Variants in PLCB1 observed in about 807,000 individuals in gnomAD.
PLCB1 encodes the protein phospholipase C beta 1, also known as 1-phosphatidylinositol 4,5-bisphosphate phosphodiesterase beta-1.
A neutral mutation model predicts 161.8 loss-of-function variants in PLCB1; 46 were observed. That is an observed-to-expected ratio of 0.28 (90% CI 0.22 to 0.36). PLCB1 has a LOEUF of 0.36. PLCB1 is among the 10% of genes least tolerant of loss of function. The pLI, the probability that PLCB1 is intolerant of heterozygous loss-of-function variation, is 1.00. For missense variants in PLCB1, 1,016 were observed against 1,472.5 expected (o/e 0.69, Z 5.07); for synonymous variants, 517 against 503.7 (o/e 1.03, Z -0.35).
At chr20:8,548,866 A>G (rs1229756024) in intron 3 of PLCB1, among the ~76,000 whole-genome samples, 5 of 152,236 alleles carry the variant, frequency 3.3e-5, no homozygotes, top group Non-Finnish European at 7.3e-5. Context: ...CTGAATGTTG[A>G]TCAAGAAGTA....
At chr20:8,260,263 T>C (rs1378943596) in intron 2 of PLCB1, among the ~76,000 whole-genome samples, 1 of 150,660 alleles carries the variant, frequency 6.6e-6, no homozygotes, top group Non-Finnish European at 1.5e-5. Flanking sequence ...TTTTTTTTTC[T>C]GTTAGAGACA....
At chr20:8,746,473 A>G (rs1269577817) in intron 23 of PLCB1, among the ~76,000 whole-genome samples, 1 of 152,174 alleles carries the variant, frequency 6.6e-6, no homozygotes, top group Non-Finnish European at 1.5e-5. Context: ...GCATTTACTG[A>G]GTACTTACTG....
intron 31 of PLCB1, among the ~76,000 whole-genome samples, chr20:8,819,740 G>C (rs920530262): frequency 6.6e-6 from 1 of 151,280 alleles, no homozygotes; most frequent in Admixed American, 6.6e-5. Flanking sequence ...ATTTCCAGAG[G>C]GTTTGCACCA....
chr20:8,810,432 A>T (rs6056139), intron 31 of PLCB1, among the ~76,000 whole-genome samples: 14,902 of 151,950 alleles, frequency 0.098, 2,105 homozygotes, highest in African/African-American at 0.31. Context: ...GGTATGAGGG[A>T]GAGTATAGAA....
chr20:8,701,860 G>A (rs894124607), intron 11 of PLCB1, among the ~76,000 whole-genome samples: 1 of 152,174 alleles, frequency 6.6e-6, no homozygotes, highest in Non-Finnish European at 1.5e-5. Flanking sequence ...CACATAATAT[G>A]TTGGTAGAGG....
intron 9 of PLCB1, among the ~76,000 whole-genome samples, chr20:8,681,703 C>CTTTTTTTTTTTTTTTTTTTTTTTT: frequency 6.6e-6 from 1 of 152,094 alleles, no homozygotes; most frequent in Non-Finnish European, 1.5e-5. Flanking sequence ...TATTGCCTGT[C>CTTTTTTTTTTTTTTTTTTTTTTTT]TTTTAAGGAA....
chr20:8,677,538 T>C (rs1990115268), intron 9 of PLCB1, among the ~76,000 whole-genome samples: 1 of 152,144 alleles, frequency 6.6e-6, no homozygotes, highest in Non-Finnish European at 1.5e-5. Context: ...GTGCCCAGCA[T>C]AGGGGATAGA....
At chr20:8,178,050 G>A (rs2051801419) in intron 2 of PLCB1, among the ~76,000 whole-genome samples, 2 of 152,124 alleles carry the variant, frequency 1.3e-5, no homozygotes, top group Non-Finnish European at 2.9e-5. Context: ...TGGCTGCATA[G>A]TATTTTGTGG....
At chr20:8,201,823 T>C (rs1568588337) in intron 2 of PLCB1, among the ~76,000 whole-genome samples, 1 of 152,188 alleles carries the variant, frequency 6.6e-6, no homozygotes, top group Non-Finnish European at 1.5e-5. Context: ...AAATTCTCGT[T>C]GAGAAAATTT....
At chr20:8,749,176 G>A (rs1369374987) in intron 23 of PLCB1, among the ~76,000 whole-genome samples, 2 of 152,170 alleles carry the variant, frequency 1.3e-5, no homozygotes, top group Admixed American at 6.5e-5. Context: ...GGGTGTCGTA[G>A]CCAAAGTTTC....
intron 3 of PLCB1, among the ~76,000 whole-genome samples, chr20:8,418,441 C>CTTT (rs1979394145): frequency 6.6e-6 from 1 of 152,172 alleles, no homozygotes; most frequent in Non-Finnish European, 1.5e-5. Context: ...TTGTCCTAAA[C>CTTT]AGGCCTAGGA....
At chr20:8,330,185 A>G (rs1373870445) in intron 2 of PLCB1, among the ~76,000 whole-genome samples, 2 of 152,214 alleles carry the variant, frequency 1.3e-5, no homozygotes, top group Non-Finnish European at 2.9e-5. Context: ...ATAATTGCTT[A>G]TCACGTGCCG....
intron 31 of PLCB1, among the ~76,000 whole-genome samples, chr20:8,826,506 A>G (rs1031429192): frequency 2.0e-5 from 3 of 151,566 alleles, no homozygotes; most frequent in Non-Finnish European, 2.9e-5. Context: ...AAAAAAAAAA[A>G]AAAAGAAAAG....
intron 2 of PLCB1, among the ~76,000 whole-genome samples, chr20:8,159,299 T>C (rs2051596215): frequency 6.6e-6 from 1 of 152,146 alleles, no homozygotes; most frequent in African/African-American, 2.4e-5. Context: ...CCATGGCCCA[T>C]GTTCTATATT....
chr20:8,258,316 TA>T (rs1195859763), intron 2 of PLCB1, among the ~76,000 whole-genome samples: 1 of 152,180 alleles, frequency 6.6e-6, no homozygotes, highest in African/African-American at 2.4e-5. Flanking sequence ...GTTCTCTTCA[TA>T]GATCCTTGGA....
At chr20:8,197,490 C>T (rs1479151731) in intron 2 of PLCB1, among the ~76,000 whole-genome samples, 1 of 152,118 alleles carries the variant, frequency 6.6e-6, no homozygotes, top group African/African-American at 2.4e-5. Context: ...ATATCCTTTG[C>T]CCACTTGTTG....
chr20:8,444,909 TA>T (rs976901653), intron 3 of PLCB1, among the ~76,000 whole-genome samples: 125 of 152,240 alleles, frequency 8.2e-4, no homozygotes, highest in African/African-American at 3.0e-3. Context: ...TTTTTTCTTG[TA>T]AATTTGTTTG....
chr20:8,744,088 G>C (rs111848432), intron 23 of PLCB1, among the ~76,000 whole-genome samples: 235 of 151,932 alleles, frequency 1.5e-3, no homozygotes, highest in African/African-American at 5.4e-3. Context: ...TACCTGAGTG[G>C]CAAAGTTATC....
intron 3 of PLCB1, among the ~76,000 whole-genome samples, chr20:8,417,233 C>G (rs1388298367): frequency 6.7e-6 from 1 of 150,116 alleles, no homozygotes; most frequent in Non-Finnish European, 1.5e-5. Context: ...ACTACAGGCG[C>G]CCACCACCAT....
Sources: allele counts gnomAD v4.1 joint callset (sites outside exome capture counted in the v4.1 genomes callset), GRCh38; gene constraint gnomAD v4.1.1; transcripts MANE v1.5; gene names NCBI Gene and HGNC (gene_info 2026-07-23, HGNC 2026-07-21).